The following TNC variants were observed in gnomAD, a reference collection of about 807,000 sequenced individuals.
The protein encoded by TNC is tenascin C.
A neutral mutation model predicts 202.4 loss-of-function variants in TNC; 109 were observed. The observed-to-expected ratio is 0.54, with a 90% CI of 0.46 to 0.63. The LOEUF is 0.63. Among genes scored for constraint, TNC ranks in the 30% least tolerant of loss-of-function variants. TNC has a pLI of 0.00. For missense variants in TNC, 2,756 were observed against 2,833.3 expected (o/e 0.97, Z 0.62); for synonymous variants, 1,007 against 1,089.7 (o/e 0.92, Z 1.50).
At chr9:115,071,083 C>T (rs1246787374) in intron 10 of TNC, among the ~76,000 whole-genome samples, 1 of 152,164 alleles carries the variant, frequency 6.6e-6, no homozygotes, top group African/African-American at 2.4e-5. Flanking sequence ...ACAGTGAGTT[C>T]CTTGGAATTA....
intron 9 of TNC, among the ~76,000 whole-genome samples, chr9:115,074,445 C>G (rs1425631605): frequency 1.3e-5 from 2 of 152,214 alleles, no homozygotes; most frequent in Non-Finnish European, 2.9e-5. Context: ...TCATCAGACA[C>G]CAAATCTGCT....
In TNC at chr9:115,038,415, T is replaced by C. The variant is rs75621471; in HGVS notation, c.5393-35A>G. On this transcript the variant is annotated intron_variant, in intron 19 of 27. Coordinates refer to ENST00000350763, the MANE Select transcript of TNC (RefSeq NM_002160.4). ...AAGATGGTGGACAGGAGGGAAGTCA[T>C]TGGGTGGGACATCAGACTCTAGCTG... The C allele has an allele frequency of 3.0e-3, 4,838 of 1,610,354 alleles. 205 individuals are homozygous for C. The East Asian group carries it at 0.088, about 29-fold the overall frequency.
At chr9:115,085,387 G>A (rs140493757) in intron 3 of TNC, among the ~76,000 whole-genome samples, 96 of 152,276 alleles carry the variant, frequency 6.3e-4, no homozygotes, top group Middle Eastern at 6.8e-3. Flanking sequence ...ATCTCACTGC[G>A]TATTCAATTT....
chr9:115,063,372 T>C (rs546807705), intron 12 of TNC, among the ~76,000 whole-genome samples, 183 bp from the exon 13 acceptor site: 7 of 152,336 alleles, frequency 4.6e-5, no homozygotes, highest in East Asian at 1.9e-4. Context: ...GGTTTTTCTA[T>C]TCAGCTTTTG....
At chr9:115,090,462 T>A (rs1835132942) in intron 2 of TNC, 100 bp downstream of exon 2, 1 of 959,810 alleles carries the variant, frequency 1.0e-6, no homozygotes, top group South Asian at 1.7e-5. Flanking sequence ...GAAGCTAGTT[T>A]TCTAGTGAGC....
rs141482844 is a variant in TNC, at chr9:115,059,793, C to T, written c.4243G>A (p.Val1415Ile). ...CCCCGGATCACCCCATAGATGGAGA[C>T]TCTATAAGGCGTGGCAGCCTCGAGG... is the stretch of plus-strand genomic sequence containing the variant. ...PGLEAATPYR[V>I]SIYGVIRGYR... The change falls in exon 14 of 28, where the codon GTC becomes ATC. Residue 1415 changes from valine (V) to isoleucine (I), a missense_variant. By Grantham distance (29) the Val-to-Ile change is conservative. Around this residue, in one of 2 missense-constraint regions of TNC, gnomAD observed 2,559 missense variants for 2,546.0 expected, o/e 1.01. Coordinates refer to ENST00000350763, the MANE Select transcript of TNC (RefSeq NM_002160.4). The T allele has an allele frequency of 7.7e-5, 124 of 1,613,978 alleles. No homozygotes were observed. Among genetic ancestry groups the T allele is most frequent in the Middle Eastern group, 1.6e-4 (1 of 6,082 alleles).
chr9:115,048,150 G>A (rs893580516), intron 16 of TNC, 110 bp downstream of exon 16: 59 of 1,342,370 alleles, frequency 4.4e-5, no homozygotes, highest in Non-Finnish European at 4.5e-5. Flanking sequence ...TACATTTATG[G>A]ATTAAGTAGG....
Position 115,090,552 on chromosome 9 carries a change from C to T in TNC, c.457+10G>A. The T allele has an allele frequency of 6.4e-7, 1 of 1,552,710 alleles. No individual in the cohort carries two copies. The highest frequency in any genetic ancestry group is 8.7e-7 in the Non-Finnish European group (1 of 1,148,260). ...CACAGTGTGGGACTGGGCGGGCCACCAGCTCATACCTGTGGCAGGCTGGAG... is the reference window on the plus strand; with the variant it reads ...CACAGTGTGGGACTGGGCGGGCCACTAGCTCATACCTGTGGCAGGCTGGAG... On this transcript the variant is annotated intron_variant, in intron 2 of 27. Coordinates refer to ENST00000350763, the MANE Select transcript of TNC (RefSeq NM_002160.4).
At chr9:115,109,121 A>G (rs529564204) in intron 1 of TNC, among the ~76,000 whole-genome samples, 3 of 152,302 alleles carry the variant, frequency 2.0e-5, no homozygotes, top group African/African-American at 7.2e-5. Flanking sequence ...TTGGCCACAA[A>G]ACCCTTTTTT....
At chr9:115,067,445 T>C (rs193089980) in intron 10 of TNC, among the ~76,000 whole-genome samples, 1 of 152,340 alleles carries the variant, frequency 6.6e-6, no homozygotes, top group Non-Finnish European at 1.5e-5. Context: ...CGGGTGTCTA[T>C]CTTTTAATCC....
chr9:115,094,842 T>TGA (rs1835507521), intron 1 of TNC, among the ~76,000 whole-genome samples: 1 of 151,008 alleles, frequency 6.6e-6, no homozygotes, highest in Admixed American at 6.6e-5. Flanking sequence ...TGTGTGTGTG[T>TGA]GTGTGTGTGT....
At chr9:115,103,405 C>T (rs1836382407) in intron 1 of TNC, among the ~76,000 whole-genome samples, 1 of 152,176 alleles carries the variant, frequency 6.6e-6, no homozygotes, top group Admixed American at 6.5e-5. Context: ...CTCCCTTTCT[C>T]ATTTTAAATT....
At chr9:115,056,626 C>T (rs1588081518) in intron 15 of TNC, among the ~76,000 whole-genome samples, 1 of 152,204 alleles carries the variant, frequency 6.6e-6, no homozygotes, top group East Asian at 1.9e-4. Context: ...ATGGCTGCCT[C>T]CTGCACTCAT....
intron 18 of TNC, among the ~76,000 whole-genome samples, chr9:115,041,740 C>T (rs571979523): frequency 6.6e-6 from 1 of 152,286 alleles, no homozygotes; most frequent in East Asian, 1.9e-4. Flanking sequence ...GCAGATTTGA[C>T]TGGGCTTCCT....
rs1587972693 is a variant in TNC at position 115,021,176 on chromosome 9, C to A, written c.6587G>T (p.Gly2196Val). 6.2e-7 allele frequency: 1 copy of A among 1,613,844 alleles called. No homozygotes were observed. Among genetic ancestry groups the A allele is most frequent in the African/African-American group, 1.3e-5 (1 of 74,952 alleles). ...LRPSNFRNLE[G>V]RRKRA ...TGGAATTTATGCCCGTTTGCGCCTG[C>A]CTTCAAGATTTCTGAAGTTGCTTGG... Residue 2196 changes from glycine to valine, a missense_variant, in exon 28 of 28, where the codon GGC becomes GTC. Physicochemically the swap from Gly to Val is moderately radical, Grantham distance 109. Around this residue, in one of 2 missense-constraint regions of TNC, gnomAD observed 197 missense variants for 287.3 expected, o/e 0.69. Coordinates refer to ENST00000350763, the MANE Select transcript of TNC (RefSeq NM_002160.4).
At chr9:115,090,363 T>A (rs1217750883) in intron 2 of TNC, among the ~76,000 whole-genome samples, 199 bp downstream of exon 2, 2 of 152,208 alleles carry the variant, frequency 1.3e-5, no homozygotes, top group African/African-American at 2.4e-5. Context: ...GAGAAGCAGT[T>A]GTCGCCGTGA....
chr9:115,076,446 T>G lies in TNC; in HGVS notation c.2804A>C (p.His935Pro). ...GCTCTTTGGAACATCAACCTCAGCG[T>G]GGTCCCCTCCAGAGATGGGGGCATA... Reference protein sequence around the residue: ...IKYAPISGGDHAEVDVPKSQQ... With the variant: ...IKYAPISGGDPAEVDVPKSQQ... The change falls in exon 8 of 28, where the codon CAC (histidine) becomes CCC (proline). Residue 935 changes from histidine to proline, a missense_variant. Physicochemically the swap from His to Pro is moderately conservative, Grantham distance 77. Transcript: ENST00000350763. 6.2e-7 allele frequency: 1 copy of G among 1,614,178 alleles called. No homozygotes were observed. The highest frequency in any genetic ancestry group is 8.5e-7 in the Non-Finnish European group (1 of 1,180,032).
chr9:115,060,532 T>G (rs1269949870), intron 13 of TNC, among the ~76,000 whole-genome samples: 1 of 152,246 alleles, frequency 6.6e-6, no homozygotes, highest in South Asian at 2.1e-4. Context: ...AACTTCTTAG[T>G]ATCATACCTG....
Position 115,036,089 on chromosome 9 carries a change from T to C in TNC, c.5656+9A>G. ...AAGGGAGAGCTTCCAGCTCTCAGTG[T>C]CTTTGTACCTGTTGTGAACTTGGCA... On this transcript the variant is annotated intron_variant, in intron 21 of 27. Coordinates refer to ENST00000350763, the MANE Select transcript of TNC (RefSeq NM_002160.4). 6.2e-7 allele frequency: 1 copy of C among 1,614,084 alleles called. No homozygotes were observed. The highest frequency in any genetic ancestry group is 8.5e-7 in the Non-Finnish European group (1 of 1,179,968).
Sources: allele counts gnomAD v4.1 joint callset (sites outside exome capture counted in the v4.1 genomes callset), GRCh38; gene constraint gnomAD v4.1.1; regional missense constraint gnomAD v4.1.1; transcripts MANE v1.5; gene names NCBI Gene and HGNC (gene_info 2026-07-23, HGNC 2026-07-21).